Variants in FMNL3 observed in about 807,000 individuals in gnomAD.
FMNL3 encodes formin-like protein 3.
FMNL3 carries 57 observed loss-of-function variants against 119.6 expected under a neutral mutation model. That is an observed-to-expected ratio of 0.48 (90% confidence interval 0.39 to 0.59). The LOEUF is 0.59. FMNL3 is among the 20% of genes least tolerant of loss of function. The pLI is 0.00. For missense variants in FMNL3, 1,053 were observed against 1,323.5 expected, an observed-to-expected ratio of 0.80 and a Z score of 3.17; for synonymous variants, 491 against 507.3, an observed-to-expected ratio of 0.97 and a Z score of 0.43.
chr12:49,644,290 T>G lies in FMNL3; in HGVS notation c.*1525A>C, dbSNP rs1235255870. On this transcript the variant is annotated 3_prime_UTR_variant, in exon 26 of 26. Transcript: ENST00000335154. Reference sequence around the variant, plus strand: ...GACTTCTTCCTTAGTCTGGTCTGTGTCCACTTTTTCTAAAGTAACCCCACC... The same window carrying G: ...GACTTCTTCCTTAGTCTGGTCTGTGGCCACTTTTTCTAAAGTAACCCCACC... 1 of 1,385,084 alleles carries G rather than the reference T, an allele frequency of 7.2e-7. No individual in the cohort carries two copies. The highest frequency in any genetic ancestry group is 1.4e-5 in the African/African-American group (1 of 69,928). 85.8% of individuals were successfully genotyped at this position (1,385,084 alleles called of 1,614,324 possible).
At chr12:49,674,613 TACC>T (rs1435318983) in intron 1 of FMNL3, among the ~76,000 whole-genome samples, 1 of 152,244 alleles carries the variant, frequency 6.6e-6, no homozygotes, top group African/African-American at 2.4e-5. Flanking sequence ...ATTGCTTAGG[TACC>T]ACATGACAAA....
intron 1 of FMNL3, among the ~76,000 whole-genome samples, chr12:49,677,586 TC>T (rs768500360): frequency 6.6e-6 from 1 of 152,240 alleles, no homozygotes; most frequent in South Asian, 2.1e-4. Flanking sequence ...CTATGTTTTT[TC>T]AGTTTGGTTT....
intron 1 of FMNL3, among the ~76,000 whole-genome samples, chr12:49,687,917 C>T (rs1944508486): frequency 6.6e-6 from 1 of 152,154 alleles, no homozygotes; most frequent in Admixed American, 6.5e-5. Flanking sequence ...CAAACCCTAA[C>T]CCACCCCAGA....
At chr12:49,661,340 G>T (rs1238065224) in intron 5 of FMNL3, among the ~76,000 whole-genome samples, 1 of 152,144 alleles carries the variant, frequency 6.6e-6, no homozygotes, top group Admixed American at 6.6e-5. Flanking sequence ...AAGTCACACA[G>T]ATAGTAAATA....
At chr12:49,656,604 G>T in intron 8 of FMNL3, 107 bp from the exon 9 acceptor site, 2 of 1,055,838 alleles carry the variant, frequency 1.9e-6, no homozygotes, top group Non-Finnish European at 1.4e-6. Context: ...GAAAGCCTCA[G>T]TGGTGAGGAG....
intron 8 of FMNL3, 135 bp from the exon 9 acceptor site, chr12:49,656,632 G>C: frequency 1.1e-6 from 1 of 912,692 alleles, no homozygotes; most frequent in South Asian, 1.7e-5. Context: ...GGGAGAAAGA[G>C]GGCTTGCTCC....
intron 1 of FMNL3, among the ~76,000 whole-genome samples, chr12:49,704,422 C>T (rs1944987398): frequency 6.6e-6 from 1 of 152,100 alleles, no homozygotes. Flanking sequence ...CAAAAATAAG[C>T]TAATCTGGCC....
Position 49,648,298 on chromosome 12 carries a change from C to G in FMNL3, c.2571G>C (p.Leu857=). 1 of 1,613,866 alleles carries G rather than the reference C, an allele frequency of 6.2e-7. No individual in the cohort carries two copies. Among genetic ancestry groups the G allele is most frequent in the Non-Finnish European group, 8.5e-7 (1 of 1,179,892 alleles). The change falls in exon 22 of 26, where the codon CTG becomes CTC. Residue 857 remains leucine, a synonymous_variant. Transcript: ENST00000335154. The part of the protein sequence containing the change: ...DVKELGRGME[L]IRRECSIHDN... Reference sequence around the variant, plus strand: ...CATGGATGCTGCACTCACGCCGAATCAGCTCCATGCCCCGGCCCAGCTCCT... The same window carrying G: ...CATGGATGCTGCACTCACGCCGAATGAGCTCCATGCCCCGGCCCAGCTCCT...
intron 1 of FMNL3, among the ~76,000 whole-genome samples, chr12:49,682,430 A>G (rs1800886068): frequency 6.6e-6 from 1 of 152,072 alleles, no homozygotes; most frequent in African/African-American, 2.4e-5. Context: ...TGTAACCTTG[A>G]ACTCCTGGAC....
chr12:49,656,827 G>T lies in FMNL3; in HGVS notation c.787C>A (p.Pro263Thr). ...EIALSLNNKN[P>T]RTKALVLELL... is the part of the protein sequence containing the mutation. ...AAGGGGAGGGAAGGAACTCACCTTG[G>T]ATTCTTGTTATTGAGGCTAAGTGCA... Residue 263 changes from proline to threonine, a missense_variant, in exon 8 of 26, where the codon CCA (proline) becomes ACA (threonine). Transcript: ENST00000335154. The T allele has an allele frequency of 6.2e-7, 1 of 1,613,776 alleles. No individual in the cohort carries two copies. Among genetic ancestry groups the T allele is most frequent in the Non-Finnish European group, 8.5e-7 (1 of 1,179,668 alleles).
intron 1 of FMNL3, among the ~76,000 whole-genome samples, chr12:49,706,747 G>A (rs1298775549): frequency 6.6e-6 from 1 of 152,202 alleles, no homozygotes; most frequent in East Asian, 1.9e-4. Context: ...GAAGAAGCGG[G>A]GAAACGGGAA....
Position 49,642,892 on chromosome 12 carries a change from T to G in FMNL3, c.*2923A>C. 6.3e-7 allele frequency: 1 copy of G among 1,588,300 alleles called. No individual in the cohort carries two copies. The highest frequency in any genetic ancestry group is 1.1e-5 in the South Asian group (1 of 88,116). ...GTAGGATCCTTCCTGGGGCTAAGTC[T>G]GGTGCTGTCCTCACCCTTCTTCCTC... On this transcript the variant is annotated 3_prime_UTR_variant, in exon 26 of 26. Coordinates refer to ENST00000335154, the MANE Select transcript of FMNL3 (RefSeq NM_175736.5). The surrounding 1 kb of genome is among the most constrained non-coding windows in gnomAD (Gnocchi z 5.8).
rs1160627230 is a variant in FMNL3 at position 49,656,751 on chromosome 12, C to G, written c.791+72G>C. Reference sequence around the variant, plus strand: ...GACTCCAAGGCCAGGCAGAACTTGTCAGGAATACATGGAGTACAGATCTCC... The same window carrying G: ...GACTCCAAGGCCAGGCAGAACTTGTGAGGAATACATGGAGTACAGATCTCC... On this transcript the variant is annotated intron_variant, in intron 8 of 25. Coordinates refer to ENST00000335154, the MANE Select transcript of FMNL3 (RefSeq NM_175736.5). 2.8e-6 allele frequency: 4 copies of G among 1,427,630 alleles called. No homozygotes were observed. In the African/African-American group the frequency reaches 5.6e-5, roughly 20 times the overall value. 88.4% of individuals were successfully genotyped at this position (1,427,630 alleles called of 1,614,324 possible).
chr12:49,701,264 A>T (rs915888364), intron 1 of FMNL3, among the ~76,000 whole-genome samples: 1 of 152,254 alleles, frequency 6.6e-6, no homozygotes, highest in African/African-American at 2.4e-5. Flanking sequence ...AGGTTTTATT[A>T]TCTTCTTTAC....
At chr12:49,667,380 A>G (rs552435576) in intron 2 of FMNL3, among the ~76,000 whole-genome samples, 114 of 152,356 alleles carry the variant, frequency 7.5e-4, no homozygotes, top group African/African-American at 2.7e-3. Context: ...CCAAACCCCA[A>G]GCAGGTGCTA....
intron 1 of FMNL3, among the ~76,000 whole-genome samples, chr12:49,685,538 C>A (rs1309594693): frequency 6.6e-6 from 1 of 152,064 alleles, no homozygotes; most frequent in African/African-American, 2.4e-5. Flanking sequence ...CAACAAAAGC[C>A]AAGAATTACC....
At position 49,647,243 on chromosome 12, in the gene FMNL3, G is replaced by A. The variant is rs1041639365; in HGVS notation, c.2871+33C>T. 1.2e-6 allele frequency: 2 copies of A among 1,610,918 alleles called. No individual in the cohort carries two copies. The highest frequency in any genetic ancestry group is 1.7e-6 in the Non-Finnish European group (2 of 1,177,494). On this transcript the variant is annotated intron_variant, in intron 24 of 25. Transcript: ENST00000335154. The surrounding 1 kb of genome is among the most constrained non-coding windows in gnomAD (Gnocchi z 4.9). Reference sequence around the variant, plus strand: ...CCAGCCCCCACTCTTTTGCCTTGTCGTCCTCCAGGCCCCAGCTCTTGGTCC... The same window carrying A: ...CCAGCCCCCACTCTTTTGCCTTGTCATCCTCCAGGCCCCAGCTCTTGGTCC...
Position 49,651,379 on chromosome 12 carries a change from C to A in FMNL3, c.1672+3G>T. ...CCCTGCCCAGAGCCCTGGGGATACTCACCTGACAGGCCCACTGTCAACACC... is the reference window on the plus strand; with the variant it reads ...CCCTGCCCAGAGCCCTGGGGATACTAACCTGACAGGCCCACTGTCAACACC... On this transcript the variant is annotated splice_donor_region_variant and intron_variant, in intron 15 of 25. Coordinates refer to ENST00000335154, the MANE Select transcript of FMNL3 (RefSeq NM_175736.5). 6.4e-7 allele frequency: 1 copy of A among 1,566,992 alleles called. No homozygotes were observed. Among genetic ancestry groups the A allele is most frequent in the Non-Finnish European group, 8.7e-7 (1 of 1,148,904 alleles).
chr12:49,694,775 A>G (rs377687517), intron 1 of FMNL3, among the ~76,000 whole-genome samples: 199 of 152,120 alleles, frequency 1.3e-3, no homozygotes, highest in South Asian at 0.011. Context: ...AGCCGGGTAT[A>G]GTGGCAGGCA....
Sources: gnomAD v4.1 joint callset for allele counts (sites outside exome capture counted in the v4.1 genomes callset) on GRCh38, gnomAD v4.1.1 for gene constraint, Gnocchi (gnomAD v3.1) non-coding constraint, MANE v1.5 for transcripts, NCBI Gene and HGNC (gene_info 2026-07-23, HGNC 2026-07-21) for gene names.